The following LINGO2 variants were observed in gnomAD, a reference collection of about 807,000 sequenced individuals.
The protein encoded by LINGO2 is leucine rich repeat and Ig domain containing 2, also known as leucine-rich repeat and immunoglobulin-like domain-containing nogo receptor-interacting protein 2.
In LINGO2, 14 loss-of-function variants were observed where a neutral mutation model predicts 30.6. That is an observed-to-expected ratio of 0.46 (90% confidence interval 0.30 to 0.72). The LOEUF is 0.72. Ranked by LOEUF, LINGO2 falls within the 30% of genes least tolerant of loss-of-function variation. LINGO2 has a pLI of 0.07. For missense variants in LINGO2, 729 were observed against 751.7 expected (o/e 0.97, Z 0.35); for synonymous variants, 317 against 288.5 (o/e 1.10, Z -1.00).
At chr9:28,370,062 A>G (rs562830508) in intron 3 of LINGO2, among the ~76,000 whole-genome samples, 1 of 152,340 alleles carries the variant, frequency 6.6e-6, no homozygotes, top group East Asian at 1.9e-4. Flanking sequence ...TCAAATACAC[A>G]GGAAGGACAA....
the LINGO2 span, among the ~76,000 whole-genome samples, chr9:28,994,444 C>A: frequency 1.5e-3 from 204 of 137,450 alleles, no homozygotes; most frequent in South Asian, 3.0e-3. Flanking sequence ...CCATACTGCC[C>A]AAGGTAATTT....
intron 3 of LINGO2, among the ~76,000 whole-genome samples, chr9:28,313,102 A>T (rs964463745): frequency 6.6e-6 from 1 of 152,168 alleles, no homozygotes; most frequent in Non-Finnish European, 1.5e-5. Context: ...GCTGAATAAA[A>T]GTTTAATCAC....
chr9:28,348,228 C>G (rs1238777592), intron 3 of LINGO2, among the ~76,000 whole-genome samples: 3 of 152,252 alleles, frequency 2.0e-5, no homozygotes, highest in Non-Finnish European at 4.4e-5. Flanking sequence ...GCATTTCCAT[C>G]TGAGGTACCG....
At chr9:28,301,373 A>C (rs1348186669) in intron 3 of LINGO2, among the ~76,000 whole-genome samples, 5 of 151,912 alleles carry the variant, frequency 3.3e-5, no homozygotes, top group Non-Finnish European at 1.5e-5. Context: ...TAAAAAAAAA[A>C]AAACAAAAAA....
the LINGO2 span, among the ~76,000 whole-genome samples, chr9:28,787,864 G>A: frequency 6.6e-6 from 1 of 152,180 alleles, no homozygotes; most frequent in African/African-American, 2.4e-5. Flanking sequence ...ATTACATGGT[G>A]GAAGCACATT....
At chr9:28,756,230 G>C in the LINGO2 span, among the ~76,000 whole-genome samples, 1 of 152,034 alleles carries the variant, frequency 6.6e-6, no homozygotes, top group South Asian at 2.1e-4. Context: ...TTTTGGAGCT[G>C]TAAGATTTAA....
intron 1 of LINGO2, among the ~76,000 whole-genome samples, chr9:28,575,558 G>T (rs1823930881): frequency 6.6e-6 from 1 of 151,966 alleles, no homozygotes; most frequent in African/African-American, 2.4e-5. Flanking sequence ...GAGAGGAGGT[G>T]GGGGCAAGGG....
intron 1 of LINGO2, among the ~76,000 whole-genome samples, chr9:28,597,465 C>T (rs1031950164): frequency 6.6e-6 from 1 of 152,114 alleles, no homozygotes; most frequent in Non-Finnish European, 1.5e-5. Flanking sequence ...AAAGTCAAAC[C>T]AAGAATTGGT....
chr9:28,363,949 T>G (rs1366333458), intron 3 of LINGO2, among the ~76,000 whole-genome samples: 2 of 151,594 alleles, frequency 1.3e-5, no homozygotes, highest in African/African-American at 4.9e-5. Flanking sequence ...AGAGAAAATA[T>G]TTGTTGTAAT....
intron 4 of LINGO2, among the ~76,000 whole-genome samples, chr9:28,195,615 G>C (rs1473204734): frequency 1.3e-5 from 2 of 151,124 alleles, no homozygotes; most frequent in African/African-American, 4.8e-5. Context: ...GGATGAAACA[G>C]ATGATTTTCT....
At chr9:28,207,137 A>G (rs1820435790) in intron 4 of LINGO2, among the ~76,000 whole-genome samples, 1 of 152,158 alleles carries the variant, frequency 6.6e-6, no homozygotes, top group African/African-American at 2.4e-5. Context: ...CAATAGCACT[A>G]CAATGATAAT....
At chr9:28,465,498 G>A (rs996809694) in intron 2 of LINGO2, among the ~76,000 whole-genome samples, 2 of 152,162 alleles carry the variant, frequency 1.3e-5, no homozygotes, top group Non-Finnish European at 2.9e-5. Context: ...ACATTTGGTT[G>A]GGAAAACAGG....
the LINGO2 span, among the ~76,000 whole-genome samples, chr9:29,125,795 TGAACATATGGTTTGTTTTA>T: frequency 6.6e-6 from 1 of 152,138 alleles, no homozygotes; most frequent in South Asian, 2.1e-4. Context: ...TACATGCTCA[TGAACATATGGTTTGTTTTA>T]GAACTAGTAA....
chr9:28,609,919 C>T (rs748751172), intron 1 of LINGO2, among the ~76,000 whole-genome samples: 1 of 152,054 alleles, frequency 6.6e-6, no homozygotes, highest in Non-Finnish European at 1.5e-5. Flanking sequence ...GAGAAGATTG[C>T]TTTATATCCA....
At chr9:27,997,307 T>A (rs1029798082) in intron 5 of LINGO2, among the ~76,000 whole-genome samples, 1 of 152,204 alleles carries the variant, frequency 6.6e-6, no homozygotes, top group African/African-American at 2.4e-5. Context: ...CTGTTCTTTG[T>A]AGAATTCAGC....
chr9:28,962,408 T>A, the LINGO2 span, among the ~76,000 whole-genome samples: 23 of 152,190 alleles, frequency 1.5e-4, no homozygotes, highest in African/African-American at 5.1e-4. Flanking sequence ...ATTATTTTTA[T>A]ATCAAACTTA....
chr9:28,409,893 G>T (rs540238757), intron 2 of LINGO2, among the ~76,000 whole-genome samples: 5 of 142,998 alleles, frequency 3.5e-5, no homozygotes, highest in African/African-American at 1.5e-4. Flanking sequence ...AGAAAGGCAG[G>T]GAGGGTGTGA....
intron 1 of LINGO2, among the ~76,000 whole-genome samples, chr9:28,565,698 C>T (rs1823343058): frequency 6.6e-6 from 1 of 151,432 alleles, no homozygotes; most frequent in African/African-American, 2.4e-5. Context: ...ACTACAGGCG[C>T]CCACCACCAC....
chr9:29,191,642 G>A, the LINGO2 span, among the ~76,000 whole-genome samples: 1 of 152,042 alleles, frequency 6.6e-6, no homozygotes, highest in African/African-American at 2.4e-5. Context: ...TTCTGGGGTT[G>A]CTTCACTGTC....
Sources: allele counts gnomAD v4.1 joint callset (sites outside exome capture counted in the v4.1 genomes callset), GRCh38; gene constraint gnomAD v4.1.1; transcripts MANE v1.5; gene names NCBI Gene and HGNC (gene_info 2026-07-23, HGNC 2026-07-21).